Variants in ZNF594 observed in about 807,000 individuals in gnomAD.
ZNF594 encodes the protein zinc finger protein HZF18.
For missense variants in ZNF594, 1,037 were observed against 964.6 expected (o/e 1.08, Z -0.99); for synonymous variants, 336 against 309.4 (o/e 1.09, Z -0.90).
Position 5,181,805 on chromosome 17 carries a change from T to C in ZNF594, c.*28A>G, listed in dbSNP as rs780422328. 2 of 1,613,766 alleles carry C rather than the reference T, an allele frequency of 1.2e-6. No homozygotes were observed. Among genetic ancestry groups the C allele is most frequent in the Non-Finnish European group, 1.7e-6 (2 of 1,179,880 alleles). ...TAAAAGATTCCCCACATTTATTGCA[T>C]ACGTAAGGTTTTTCTCCACTGTGAA... On this transcript the variant is annotated 3_prime_UTR_variant, in exon 2 of 2. Transcript: ENST00000575779.
intron 1 of ZNF594, among the ~76,000 whole-genome samples, chr17:5,190,069 G>C (rs569853344): frequency 6.6e-6 from 1 of 152,198 alleles, no homozygotes; most frequent in Non-Finnish European, 1.5e-5. Flanking sequence ...TGTTCCTAAA[G>C]AAAAGAGCAA....
At chr17:5,176,490 G>A (rs1210656218), downstream of ZNF594, among the ~76,000 whole-genome samples, 2 of 150,280 alleles carry the variant, frequency 1.3e-5, no homozygotes, top group Admixed American at 6.6e-5. Flanking sequence ...AAATTAATAC[G>A]GAAAGTCAAA....
chr17:5,183,817 C>G lies in ZNF594; in HGVS notation c.440G>C (p.Arg147Thr), dbSNP rs1356706763. 3 of 1,614,106 alleles carry G rather than the reference C, an allele frequency of 1.9e-6. No individual in the cohort carries two copies. The highest frequency in any genetic ancestry group is 1.7e-5 in the Admixed American group (1 of 60,028). ...NRSSNLIIHQ[R>T]IHTGNKPYVC... ...ATATGGCTTATTTCCTGTATGAATT[C>G]TCTGATGTATGATCAGGTTTGAACT... Residue 147 changes from arginine (R) to threonine (T), a missense_variant, in exon 2 of 2, where the codon AGA becomes ACA. Coordinates refer to ENST00000575779, the MANE Select transcript of ZNF594 (RefSeq NM_032530.2).
At chr17:5,175,317 G>A (rs1373578932), downstream of ZNF594, among the ~76,000 whole-genome samples, 1 of 152,192 alleles carries the variant, frequency 6.6e-6, no homozygotes, top group African/African-American at 2.4e-5. Context: ...ATTCTCACAG[G>A]AGAAAGAACC....
intron 1 of ZNF594, among the ~76,000 whole-genome samples, chr17:5,184,595 C>T (rs1179066289): frequency 1.3e-5 from 2 of 152,138 alleles, no homozygotes; most frequent in African/African-American, 4.8e-5. Context: ...GGGGGAGGAA[C>T]TTGCTGGATG....
chr17:5,189,929 A>G (rs1461738610), intron 1 of ZNF594, among the ~76,000 whole-genome samples: 1 of 152,246 alleles, frequency 6.6e-6, no homozygotes, highest in Non-Finnish European at 1.5e-5. Context: ...AATTCACATA[A>G]GGAACAACAA....
At chr17:5,177,020 C>A (rs2074312559), downstream of ZNF594, among the ~76,000 whole-genome samples, 2 of 151,602 alleles carry the variant, frequency 1.3e-5, no homozygotes, top group Non-Finnish European at 2.9e-5. Flanking sequence ...ACAGTGAAAC[C>A]CCGTCTCTAC....
rs375303510 is a variant in ZNF594 at position 5,182,829 on chromosome 17, A to T, written c.1428T>A (p.Val476=). ...CTCCAGTATGGATTTTCTGGTGTGT[A>T]ACAAGGTGTGACCTCTGGCTAAAGG... The part of the protein sequence containing the change: ...GKAFSQRSHL[V]THQKIHTGEK... Residue 476 remains valine, a synonymous_variant, in exon 2 of 2, where the codon GTT becomes GTA. Transcript: ENST00000575779. The T allele has an allele frequency of 1.7e-5, 28 of 1,613,866 alleles. No homozygotes were observed. The African/African-American group carries it at 3.6e-4, about 21-fold the overall frequency.
At chr17:5,191,628 A>T (rs1340969848) in intron 1 of ZNF594, 120 bp downstream of exon 1, 1 of 152,396 alleles carries the variant, frequency 6.6e-6, no homozygotes, top group Non-Finnish European at 1.5e-5. Context: ...CCCGGCGCCT[A>T]CATCCTCCTG....
chr17:5,181,171 G>C lies in ZNF594; in HGVS notation c.*662C>G, dbSNP rs762548384. ...TAGGGTTTCTCTCCAGTATGAACACGATGGTGTCTAATAAGATCTGAGCTG... is the reference window on the plus strand; with the variant it reads ...TAGGGTTTCTCTCCAGTATGAACACCATGGTGTCTAATAAGATCTGAGCTG... On this transcript the variant is annotated 3_prime_UTR_variant, in exon 2 of 2. Coordinates refer to ENST00000575779, the MANE Select transcript of ZNF594 (RefSeq NM_032530.2). 8 of 1,609,626 alleles carry C rather than the reference G, an allele frequency of 5.0e-6. No individual in the cohort carries two copies. The highest frequency in any genetic ancestry group is 3.3e-5 in the Admixed American group (2 of 59,972).
downstream of ZNF594, among the ~76,000 whole-genome samples, chr17:5,175,803 C>G (rs1567821864): frequency 6.6e-6 from 1 of 151,696 alleles, no homozygotes; most frequent in Non-Finnish European, 1.5e-5. Context: ...AAGGAGACAT[C>G]TGGCAGTGTT....
At position 5,181,810 on chromosome 17, in the gene ZNF594, A is replaced by G; in HGVS notation, c.*23T>C. 1.9e-6 allele frequency: 3 copies of G among 1,613,896 alleles called. No homozygotes were observed. Among genetic ancestry groups the G allele is most frequent in the Non-Finnish European group, 2.5e-6 (3 of 1,179,956 alleles). On this transcript the variant is annotated 3_prime_UTR_variant, in exon 2 of 2. Transcript: ENST00000575779. ...GATTCCCCACATTTATTGCATACGT[A>G]AGGTTTTTCTCCACTGTGAATTCTA...
At position 5,181,147 on chromosome 17, in the gene ZNF594, A is replaced by G; in HGVS notation, c.*686T>C. The stretch of plus-strand genomic sequence containing the variant: ...GCCTTCCAACATTCAGGGCATTCAT[A>G]GGGTTTCTCTCCAGTATGAACACGA... On this transcript the variant is annotated 3_prime_UTR_variant, in exon 2 of 2. Coordinates refer to ENST00000575779, the MANE Select transcript of ZNF594 (RefSeq NM_032530.2). 1 of 1,604,114 alleles carries G rather than the reference A, an allele frequency of 6.2e-7. No individual in the cohort carries two copies.
Position 5,182,487 on chromosome 17 carries a change from A to G in ZNF594, c.1770T>C (p.His590=). 1.3e-5 allele frequency: 21 copies of G among 1,613,892 alleles called. No homozygotes were observed. The highest frequency in any genetic ancestry group is 1.8e-5 in the Non-Finnish European group (21 of 1,179,980). Residue 590 remains histidine (H), a synonymous_variant, in exon 2 of 2, where the codon CAT becomes CAC. Transcript: ENST00000575779. ...SSDLIRHQVT[H]TREKPYECKE... ...TGCATTCATATGGTTTCTCTCTTGT[A>G]TGAGTTACCTGATGTCTGATGAGGT...
At chr17:5,175,244 C>A (rs564899143), downstream of ZNF594, among the ~76,000 whole-genome samples, 1 of 152,102 alleles carries the variant, frequency 6.6e-6, no homozygotes, top group Admixed American at 6.5e-5. Flanking sequence ...TATTTATAGC[C>A]GCTCCCCCTT....
downstream of ZNF594, among the ~76,000 whole-genome samples, chr17:5,177,587 C>T (rs1673488911): frequency 6.6e-6 from 1 of 152,040 alleles, no homozygotes; most frequent in Non-Finnish European, 1.5e-5. Flanking sequence ...ACCTGTAATA[C>T]TAGCACTTTG....
downstream of ZNF594, among the ~76,000 whole-genome samples, chr17:5,178,193 C>T (rs1439140085): frequency 1.3e-5 from 2 of 150,344 alleles, no homozygotes; most frequent in East Asian, 3.9e-4. Context: ...AAAACCATAT[C>T]ATATGAATTA....
At chr17:5,188,751 T>TG (rs568326493) in intron 1 of ZNF594, among the ~76,000 whole-genome samples, 1 of 18,218 alleles carries the variant, frequency 5.5e-5, no homozygotes, top group South Asian at 6.0e-4. Context: ...AAATTTTGAC[T>TG]TTTTTTTTTT....
In ZNF594 at chr17:5,182,710, T is replaced by A. The variant is rs751876420; in HGVS notation, c.1547A>T (p.Tyr516Phe). 3 of 1,613,868 alleles carry A rather than the reference T, an allele frequency of 1.9e-6. No individual in the cohort carries two copies. In the Admixed American group the frequency reaches 5.0e-5, roughly 27 times the overall value. ...HRRIHSGEKP[Y>F]ECKECGKLFI... ...GAGCTTCCCACATTCCTTACATTCA[T>A]AGGGTTTCTCACCACTATGAATTCT... Residue 516 changes from tyrosine to phenylalanine, a missense_variant, in exon 2 of 2, where the codon TAT becomes TTT. Coordinates refer to ENST00000575779, the MANE Select transcript of ZNF594 (RefSeq NM_032530.2).
Sources: allele counts gnomAD v4.1 joint callset (sites outside exome capture counted in the v4.1 genomes callset), GRCh38; gene constraint gnomAD v4.1.1; transcripts MANE v1.5; gene names NCBI Gene and HGNC (gene_info 2026-07-23, HGNC 2026-07-21).